Variants in SLC25A21 observed in about 807,000 individuals in gnomAD.
SLC25A21 encodes solute carrier family 25 member 21.
SLC25A21 carries 47 observed loss-of-function variants against 43.8 expected under a neutral mutation model. The observed-to-expected ratio is 1.07, with a 90% CI of 0.85 to 1.37. SLC25A21 has a LOEUF of 1.37. Among genes scored for constraint, SLC25A21 ranks in the 40% most tolerant of loss-of-function variants. The pLI is 0.00. For synonymous variants in SLC25A21, 131 were observed against 121.3 expected, an observed-to-expected ratio of 1.08 and a Z score of -0.52; for missense variants, 352 against 350.2, an observed-to-expected ratio of 1.00 and a Z score of -0.04.
At chr14:36,880,486 A>G (rs988699637) in intron 1 of SLC25A21, among the ~76,000 whole-genome samples, 3 of 152,182 alleles carry the variant, frequency 2.0e-5, no homozygotes, top group Admixed American at 1.3e-4. Context: ...TTCTTTTCTT[A>G]TCTAGAAGCT....
At chr14:37,093,186 A>G (rs959097835) in intron 1 of SLC25A21, among the ~76,000 whole-genome samples, 2 of 152,212 alleles carry the variant, frequency 1.3e-5, no homozygotes, top group Admixed American at 1.3e-4. Flanking sequence ...TTCTCATTAT[A>G]TTCACCTTAA....
chr14:37,140,713 T>C (rs1201944239), intron 1 of SLC25A21, among the ~76,000 whole-genome samples: 1 of 152,198 alleles, frequency 6.6e-6, no homozygotes, highest in African/African-American at 2.4e-5. Flanking sequence ...AAGCTCAAAA[T>C]TGAAATAACA....
chr14:36,767,758 A>G (rs1006635571), intron 3 of SLC25A21, among the ~76,000 whole-genome samples: 32 of 152,180 alleles, frequency 2.1e-4, no homozygotes, highest in Non-Finnish European at 3.1e-4. Context: ...CTCTATTGTA[A>G]CTAAGCCTGT....
At chr14:36,953,312 G>A (rs1959237863) in intron 1 of SLC25A21, among the ~76,000 whole-genome samples, 1 of 152,044 alleles carries the variant, frequency 6.6e-6, no homozygotes, top group Non-Finnish European at 1.5e-5. Flanking sequence ...TTTCTATGTA[G>A]CCCAAAAGAT....
At chr14:37,115,572 C>T (rs920902363) in intron 1 of SLC25A21, among the ~76,000 whole-genome samples, 3 of 152,194 alleles carry the variant, frequency 2.0e-5, no homozygotes, top group African/African-American at 7.2e-5. Flanking sequence ...AAAACACTAA[C>T]AATTCAATAT....
intron 3 of SLC25A21, among the ~76,000 whole-genome samples, chr14:36,753,234 T>C (rs1009364107): frequency 6.6e-6 from 1 of 152,172 alleles, no homozygotes; most frequent in Non-Finnish European, 1.5e-5. Context: ...ATGTTATGTG[T>C]ATTATGACAT....
chr14:36,764,048 G>GA (rs1886269270), intron 3 of SLC25A21, among the ~76,000 whole-genome samples: 1 of 38,600 alleles, frequency 2.6e-5, no homozygotes, highest in African/African-American at 1.3e-4. Flanking sequence ...AAGAAAGAAA[G>GA]AAAGAAAGAA....
At chr14:37,018,735 A>G (rs1960917414) in intron 1 of SLC25A21, among the ~76,000 whole-genome samples, 1 of 151,896 alleles carries the variant, frequency 6.6e-6, no homozygotes, top group African/African-American at 2.4e-5. Flanking sequence ...ACATCCCTTC[A>G]TGCACTCTAA....
At chr14:37,008,483 C>A (rs1960657929) in intron 1 of SLC25A21, among the ~76,000 whole-genome samples, 1 of 152,128 alleles carries the variant, frequency 6.6e-6, no homozygotes, top group Non-Finnish European at 1.5e-5. Context: ...CTCACATAGT[C>A]CTGCAGCAAC....
rs533169951 is a variant in SLC25A21 at position 36,930,320 on chromosome 14, C to T, written c.71-55316G>A. Among the ~76,000 whole-genome samples the T allele has an allele frequency of 4.6e-5, 7 of 152,244 alleles. No individual in the cohort carries two copies. The East Asian group carries it at 1.4e-3, about 29-fold the overall frequency. ...GTTTAATATCATTCTATTGCTAAAGCCAGTAGGATTTTAAAACAATGTAAG... is the reference window on the plus strand; with the variant it reads ...GTTTAATATCATTCTATTGCTAAAGTCAGTAGGATTTTAAAACAATGTAAG... On this transcript the variant is annotated intron_variant, in intron 1 of 9. Transcript: ENST00000331299.
intron 9 of SLC25A21, among the ~76,000 whole-genome samples, chr14:36,683,379 C>A (rs972818521): frequency 1.1e-4 from 17 of 152,300 alleles, no homozygotes; most frequent in African/African-American, 3.6e-4. Context: ...AGATGAGTGG[C>A]TTTGCTGTTC....
At chr14:36,987,783 G>T (rs1960177645) in intron 1 of SLC25A21, among the ~76,000 whole-genome samples, 1 of 151,964 alleles carries the variant, frequency 6.6e-6, no homozygotes, top group Admixed American at 6.6e-5. Context: ...ATTTCCTTAG[G>T]ATTTACTAGG....
intron 2 of SLC25A21, among the ~76,000 whole-genome samples, chr14:36,831,027 T>C (rs1594625003): frequency 6.6e-6 from 1 of 152,318 alleles, no homozygotes; most frequent in East Asian, 1.9e-4. Flanking sequence ...GATATGTAGA[T>C]AGCAATTTAT....
chr14:36,782,380 G>A (rs879482421), intron 3 of SLC25A21, among the ~76,000 whole-genome samples: 2 of 152,114 alleles, frequency 1.3e-5, no homozygotes, highest in Non-Finnish European at 2.9e-5. Flanking sequence ...TATTTCTCTT[G>A]ATGGTGCCCC....
At chr14:36,855,885 C>T (rs1889883237) in intron 2 of SLC25A21, among the ~76,000 whole-genome samples, 1 of 152,124 alleles carries the variant, frequency 6.6e-6, no homozygotes, top group African/African-American at 2.4e-5. Flanking sequence ...TTTTGTTTCC[C>T]AGGCGGGTAT....
chr14:37,151,432 C>T (rs1345267881), intron 1 of SLC25A21, among the ~76,000 whole-genome samples: 4 of 152,212 alleles, frequency 2.6e-5, no homozygotes, highest in African/African-American at 7.2e-5. Flanking sequence ...GAATTTCATA[C>T]TTAAGCTATG....
intron 2 of SLC25A21, among the ~76,000 whole-genome samples, chr14:36,865,217 T>G (rs999715827): frequency 6.6e-6 from 1 of 151,974 alleles, no homozygotes; most frequent in Non-Finnish European, 1.5e-5. Flanking sequence ...GGCTTCACAC[T>G]CTCTGCTGGG....
chr14:36,950,621 G>A (rs538338542), intron 1 of SLC25A21, among the ~76,000 whole-genome samples: 1 of 152,162 alleles, frequency 6.6e-6, no homozygotes, highest in Non-Finnish European at 1.5e-5. Context: ...CCTAGCAAAT[G>A]AATTCACAAT....
intron 3 of SLC25A21, among the ~76,000 whole-genome samples, chr14:36,800,972 A>G (rs1192207084): frequency 6.6e-6 from 1 of 152,174 alleles, no homozygotes; most frequent in Non-Finnish European, 1.5e-5. Context: ...CTCAGCAAGC[A>G]AACAGATTAC....
Sources: allele counts gnomAD v4.1 joint callset (sites outside exome capture counted in the v4.1 genomes callset), GRCh38; gene constraint gnomAD v4.1.1; transcripts MANE v1.5; gene names NCBI Gene and HGNC (gene_info 2026-07-23, HGNC 2026-07-21).